Variants in TWSG1 observed in about 807,000 individuals in gnomAD.
TWSG1 encodes twisted gastrulation BMP signaling modulator 1, also known as twisted gastrulation protein homolog 1.
A neutral mutation model predicts 23.0 loss-of-function variants in TWSG1; 15 were observed. The observed-to-expected ratio is 0.65, with a 90% CI of 0.44 to 1.00. The LOEUF is 1.00. TWSG1 is among the 50% of genes least tolerant of loss of function. The probability of loss-of-function intolerance (pLI) is 0.00; values close to 1 mark genes in which losing one functional copy is unlikely to be tolerated. For missense variants in TWSG1, 242 were observed against 278.7 expected (o/e 0.87, Z 0.94); for synonymous variants, 86 against 92.8 (o/e 0.93, Z 0.42).
At chr18:9,387,492 C>A (rs1263284945) in intron 3 of TWSG1, among the ~76,000 whole-genome samples, 1 of 151,842 alleles carries the variant, frequency 6.6e-6, no homozygotes, top group Non-Finnish European at 1.5e-5. Context: ...GCAGGCCGGG[C>A]GCGATGGCTC....
chr18:9,393,155 C>G (rs1277309476), intron 3 of TWSG1, among the ~76,000 whole-genome samples: 1 of 152,214 alleles, frequency 6.6e-6, no homozygotes, highest in Non-Finnish European at 1.5e-5. Context: ...TAGCTCAGAG[C>G]AGGGTTGCCA....
At chr18:9,369,288 A>G (rs761476645) in intron 3 of TWSG1, among the ~76,000 whole-genome samples, 30 of 152,126 alleles carry the variant, frequency 2.0e-4, no homozygotes, top group Non-Finnish European at 1.5e-4. Context: ...GTTTCTTTTG[A>G]GTCAGAGTCT....
At chr18:9,345,693 T>C (rs2040473834) in intron 2 of TWSG1, among the ~76,000 whole-genome samples, 1 of 152,244 alleles carries the variant, frequency 6.6e-6, no homozygotes, top group Non-Finnish European at 1.5e-5. Flanking sequence ...GTCTGAGTTC[T>C]CCAACTTTGT....
In TWSG1 at chr18:9,392,578, G is replaced by A. The variant is rs146813966; in HGVS notation, c.224-3702G>A. On this transcript the variant is annotated intron_variant, in intron 3 of 4. Coordinates refer to ENST00000262120, the MANE Select transcript of TWSG1 (RefSeq NM_020648.6). ...CTTTCTTAGCATCCATGTGTTCAGA[G>A]TAACACTTTTCATTTCCTTCAAGAA... Among the ~76,000 whole-genome samples the A allele has an allele frequency of 5.5e-3, 839 of 152,298 alleles. 7 individuals carry two copies. The highest frequency in any genetic ancestry group is 0.019 in the African/African-American group (805 of 41,554).
intron 2 of TWSG1, among the ~76,000 whole-genome samples, chr18:9,355,848 T>C (rs2040524601): frequency 6.6e-6 from 1 of 152,200 alleles, no homozygotes; most frequent in South Asian, 2.1e-4. Flanking sequence ...GCCCATCTCC[T>C]AAAAAGAATG....
chr18:9,381,587 ACTG>A (rs1279334969), intron 3 of TWSG1, among the ~76,000 whole-genome samples: 2 of 152,206 alleles, frequency 1.3e-5, no homozygotes, highest in African/African-American at 4.8e-5. Context: ...TCTAGCATCT[ACTG>A]CTATTAACAT....
chr18:9,373,131 C>G (rs961763804), intron 3 of TWSG1, among the ~76,000 whole-genome samples: 2 of 152,184 alleles, frequency 1.3e-5, no homozygotes, highest in African/African-American at 4.8e-5. Context: ...GAGAAGACTT[C>G]ACAGCAAGGA....
At chr18:9,369,626 C>CT (rs1411100345) in intron 3 of TWSG1, among the ~76,000 whole-genome samples, 1 of 151,636 alleles carries the variant, frequency 6.6e-6, no homozygotes, top group African/African-American at 2.4e-5. Flanking sequence ...GTTTGAGTTC[C>CT]TTTTTTTTGC....
intron 2 of TWSG1, among the ~76,000 whole-genome samples, chr18:9,349,765 A>G (rs1220317881): frequency 6.6e-6 from 1 of 152,232 alleles, no homozygotes; most frequent in Non-Finnish European, 1.5e-5. Context: ...TTTACAATGT[A>G]AAATGTTTTC....
rs889705318 is a variant in TWSG1 at position 9,337,068 on chromosome 18, T to TA, written c.-37-119dup. The TA allele has an allele frequency of 1.9e-5, 16 of 858,226 alleles. No individual in the cohort carries two copies. In the East Asian group the frequency reaches 4.3e-4, roughly 23 times the overall value. The allele number at this position is 858,226 out of a possible 1,614,324, so 53.2% of individuals were successfully genotyped here. On this transcript the variant is annotated intron_variant, in intron 1 of 4. Transcript: ENST00000262120. ...CAGCCTGGGCAACAGAGCAAGACTCTAAAAAAGAAAGAAAAAGTATATTGA... is the reference window on the plus strand; with the variant it reads ...CAGCCTGGGCAACAGAGCAAGACTCTAAAAAAAGAAAGAAAAAGTATATTGA...
intron 3 of TWSG1, chr18:9,388,274 T>A (rs1191159790): frequency 6.6e-6 from 1 of 152,256 alleles, no homozygotes; most frequent in African/African-American, 2.4e-5. Context: ...AAATGTAGCA[T>A]GGTTTTCACT....
At chr18:9,365,096 G>A (rs2040571654) in intron 3 of TWSG1, among the ~76,000 whole-genome samples, 2 of 152,138 alleles carry the variant, frequency 1.3e-5, no homozygotes, top group African/African-American at 4.8e-5. Flanking sequence ...CACAGAAGGA[G>A]GATCACTTGA....
chr18:9,374,956 A>T (rs1469264556), intron 3 of TWSG1, among the ~76,000 whole-genome samples: 1 of 152,188 alleles, frequency 6.6e-6, no homozygotes, highest in East Asian at 1.9e-4. Context: ...TCACGAGGTC[A>T]GGAGATTGAG....
intron 2 of TWSG1, among the ~76,000 whole-genome samples, chr18:9,357,254 G>A (rs2040531345): frequency 6.6e-6 from 1 of 152,140 alleles, no homozygotes; most frequent in Non-Finnish European, 1.5e-5. Context: ...CAGCCTGAGT[G>A]TACAAAATTC....
At chr18:9,366,077 T>G (rs2040577363) in intron 3 of TWSG1, among the ~76,000 whole-genome samples, 1 of 152,256 alleles carries the variant, frequency 6.6e-6, no homozygotes, top group African/African-American at 2.4e-5. Context: ...TTTTTCATCT[T>G]GAGCCACCTG....
At position 9,402,405 on chromosome 18, in the gene TWSG1, TA is replaced by T. The variant is rs2040767021; in HGVS notation, c.*2884del. ...CCCTATTAACAAAAAAGTATTTTAA[TA>T]AAAAATTGAAATGAGTGAGTCATAT... is the stretch of plus-strand genomic sequence containing the variant. On this transcript the variant is annotated 3_prime_UTR_variant, in exon 5 of 5. Coordinates refer to ENST00000262120, the MANE Select transcript of TWSG1 (RefSeq NM_020648.6). 6.6e-6 allele frequency: 1 copy of T among 152,208 alleles called. No individual in the cohort carries two copies. The highest frequency in any genetic ancestry group is 2.1e-4 in the South Asian group (1 of 4,828). 9.4% of individuals were successfully genotyped at this position (152,208 alleles called of 1,614,324 possible). A position where few individuals can be genotyped will look rare whatever the true frequency, so the allele number is the denominator to read the frequency against.
chr18:9,359,550 AT>A lies in TWSG1; in HGVS notation c.124-421del, dbSNP rs1364897526. Among the ~76,000 whole-genome samples, 6 of 152,198 alleles carry A rather than the reference AT, an allele frequency of 3.9e-5. No homozygotes were observed. In the East Asian group the frequency reaches 1.2e-3, roughly 29 times the overall value. The stretch of plus-strand genomic sequence containing the variant: ...ACACTTTTTTCTGTATCATGGAACA[AT>A]AAAAATAGAATTTCCAAAGTTCTTT... On this transcript the variant is annotated intron_variant, in intron 2 of 4. Transcript: ENST00000262120.
At chr18:9,359,838 A>C (rs1311266615) in intron 2 of TWSG1, 134 bp from the exon 3 acceptor site, 3 of 587,714 alleles carry the variant, frequency 5.1e-6, no homozygotes, top group Non-Finnish European at 8.8e-6. Context: ...TGAATAGTTA[A>C]TAATGTTGAA....
chr18:9,359,955 ATC>A lies in TWSG1; in HGVS notation c.124-15_124-14del. Reference sequence around the variant, plus strand: ...GATTATTTGGAATTTGAAGTTTAACATCTGTCTTGTTTCTAGGAGCTCTGCCA... The same window carrying A: ...GATTATTTGGAATTTGAAGTTTAACATGTCTTGTTTCTAGGAGCTCTGCCA... On this transcript the variant is annotated splice_polypyrimidine_tract_variant and intron_variant, in intron 2 of 4. Transcript: ENST00000262120. 1 of 1,607,582 alleles carries A rather than the reference ATC, an allele frequency of 6.2e-7. No homozygotes were observed. Among genetic ancestry groups the A allele is most frequent in the Non-Finnish European group, 8.5e-7 (1 of 1,175,044 alleles).
Sources: allele counts gnomAD v4.1 joint callset (sites outside exome capture counted in the v4.1 genomes callset), GRCh38; gene constraint gnomAD v4.1.1; transcripts MANE v1.5; gene names NCBI Gene and HGNC (gene_info 2026-07-23, HGNC 2026-07-21).